Variants in CNTNAP2 observed in about 807,000 individuals in gnomAD.
CNTNAP2 encodes the protein contactin associated protein 2, also known as contactin-associated protein-like 2.
A neutral mutation model predicts 155.2 loss-of-function variants in CNTNAP2; 98 were observed. The observed-to-expected ratio is 0.63, with a 90% confidence interval of 0.54 to 0.75. The LOEUF (loss-of-function observed/expected upper bound fraction) is 0.75, where lower values mean the gene tolerates loss of function less well. Among genes scored for constraint, CNTNAP2 ranks in the 30% least tolerant of loss-of-function variants. The pLI, the probability that CNTNAP2 is intolerant of heterozygous loss-of-function variation, is 0.00. For missense variants in CNTNAP2, 1,727 were observed against 1,688.1 expected, an observed-to-expected ratio of 1.02 and a Z score of -0.40; for synonymous variants, 651 against 631.2, an observed-to-expected ratio of 1.03 and a Z score of -0.47.
chr7:147,355,870 G>A (rs1796054942), intron 9 of CNTNAP2, among the ~76,000 whole-genome samples: 1 of 152,086 alleles, frequency 6.6e-6, no homozygotes, highest in Non-Finnish European at 1.5e-5. Context: ...AGAGGAGCTG[G>A]TACCATTCCT....
chr7:148,097,338 T>A (rs1330792851), intron 15 of CNTNAP2, among the ~76,000 whole-genome samples: 1 of 90,106 alleles, frequency 1.1e-5, no homozygotes, highest in Non-Finnish European at 2.0e-5. Context: ...TCGTGTCATT[T>A]GTAAAAAAAA....
intron 3 of CNTNAP2, among the ~76,000 whole-genome samples, chr7:146,930,774 G>A (rs1033148047): frequency 6.6e-6 from 1 of 152,022 alleles, no homozygotes; most frequent in African/African-American, 2.4e-5. Flanking sequence ...AAAAAAGGCA[G>A]GGTTTGCAAT....
chr7:146,151,563 C>T (rs183226128), intron 1 of CNTNAP2, among the ~76,000 whole-genome samples: 10 of 144,082 alleles, frequency 6.9e-5, no homozygotes, highest in Admixed American at 7.1e-5. Flanking sequence ...TTCATTGAAG[C>T]GTTATTTGCA....
intron 13 of CNTNAP2, among the ~76,000 whole-genome samples, chr7:147,773,845 A>T (rs977674553): frequency 4.0e-5 from 6 of 150,720 alleles, no homozygotes; most frequent in African/African-American, 7.4e-5. Flanking sequence ...TAAACAAAAA[A>T]TTTTTTTTAA....
chr7:146,911,168 C>T (rs544464998), intron 3 of CNTNAP2, among the ~76,000 whole-genome samples: 1 of 151,880 alleles, frequency 6.6e-6, no homozygotes, highest in East Asian at 1.9e-4. Flanking sequence ...AGGTGCTGGA[C>T]ATGATGTGGA....
chr7:146,379,161 G>A (rs2129104452), intron 1 of CNTNAP2, among the ~76,000 whole-genome samples: 1 of 152,258 alleles, frequency 6.6e-6, no homozygotes, highest in South Asian at 2.1e-4. Context: ...CAGAACCTTG[G>A]GATTTTCTGC....
At chr7:147,124,366 A>G (rs1308483478) in intron 6 of CNTNAP2, among the ~76,000 whole-genome samples, 1 of 152,166 alleles carries the variant, frequency 6.6e-6, no homozygotes, top group Non-Finnish European at 1.5e-5. Context: ...TTGAGGCCCA[A>G]AGGTGGAGGT....
At chr7:147,167,018 T>C (rs1222608572) in intron 8 of CNTNAP2, among the ~76,000 whole-genome samples, 2 of 152,190 alleles carry the variant, frequency 1.3e-5, no homozygotes, top group Non-Finnish European at 2.9e-5. Context: ...CCCATCACTG[T>C]AAGGCTGCTT....
intron 1 of CNTNAP2, among the ~76,000 whole-genome samples, chr7:146,691,993 A>T (rs994640233): frequency 3.9e-5 from 6 of 152,154 alleles, no homozygotes; most frequent in Non-Finnish European, 7.4e-5. Flanking sequence ...ACATCCAATG[A>T]TGCACAAGGG....
intron 15 of CNTNAP2, among the ~76,000 whole-genome samples, chr7:147,988,044 G>C (rs965141724): frequency 6.6e-6 from 1 of 152,134 alleles, no homozygotes; most frequent in African/African-American, 2.4e-5. Flanking sequence ...ATACATTTAA[G>C]AAATACGTTG....
chr7:148,064,012 T>C lies in CNTNAP2; in HGVS notation c.2384-54106T>C, dbSNP rs565082020. Among the ~76,000 whole-genome samples, 3 of 152,256 alleles carry C rather than the reference T, an allele frequency of 2.0e-5. No homozygotes were observed. In the South Asian group the frequency reaches 6.2e-4, roughly 32 times the overall value. On this transcript the variant is annotated intron_variant, in intron 15 of 23. Coordinates refer to ENST00000361727, the MANE Select transcript of CNTNAP2 (RefSeq NM_014141.6). ...GTCCTTTTCCCACTTTATGTTTTTG[T>C]TTGCTTTGTCGAAGATCAGTTGGCT...
chr7:148,086,589 A>G (rs978702277), intron 15 of CNTNAP2, among the ~76,000 whole-genome samples: 23 of 152,242 alleles, frequency 1.5e-4, no homozygotes, highest in African/African-American at 5.5e-4. Context: ...GTGCTAATAT[A>G]GTGAATGTGA....
intron 17 of CNTNAP2, among the ~76,000 whole-genome samples, chr7:148,157,644 G>A (rs1805426049): frequency 6.6e-6 from 1 of 151,144 alleles, no homozygotes; most frequent in Non-Finnish European, 1.5e-5. Context: ...TCTAGAGCCT[G>A]AGCATAGTTT....
intron 12 of CNTNAP2, among the ~76,000 whole-genome samples, chr7:147,582,070 TTAAA>T: frequency 6.6e-6 from 1 of 152,250 alleles, no homozygotes; most frequent in Non-Finnish European, 1.5e-5. Context: ...CATTGTACTT[TTAAA>T]GAATTTTCAT....
chr7:148,348,907 T>C (rs187436834), intron 21 of CNTNAP2, among the ~76,000 whole-genome samples: 1 of 152,274 alleles, frequency 6.6e-6, no homozygotes. Context: ...ACACATAAAA[T>C]GATTGATAAA....
intron 6 of CNTNAP2, chr7:147,123,057 C>G (rs1372683019): frequency 6.6e-6 from 1 of 151,858 alleles, no homozygotes; most frequent in Non-Finnish European, 1.5e-5. Flanking sequence ...TATATAAACA[C>G]TGATGGAGAC....
intron 1 of CNTNAP2, among the ~76,000 whole-genome samples, chr7:146,659,128 G>T (rs150970363): frequency 8.5e-5 from 13 of 152,280 alleles, no homozygotes; most frequent in African/African-American, 2.9e-4. Flanking sequence ...AATACCGTTG[G>T]CAAGGGAGTC....
intron 3 of CNTNAP2, among the ~76,000 whole-genome samples, chr7:146,876,536 A>AAT (rs1795432199): frequency 6.6e-6 from 1 of 152,170 alleles, no homozygotes; most frequent in Admixed American, 6.6e-5. Flanking sequence ...GGAATATTGT[A>AAT]ACTTTCGTTT....
rs185412413 is a variant in CNTNAP2, at chr7:146,118,508, G to A, written c.97+1535G>A. Among the ~76,000 whole-genome samples, 5 of 152,050 alleles carry A rather than the reference G, an allele frequency of 3.3e-5. No individual in the cohort carries two copies. The East Asian group carries it at 9.7e-4, about 29-fold the overall frequency. On this transcript the variant is annotated intron_variant, in intron 1 of 23. Coordinates refer to ENST00000361727, the MANE Select transcript of CNTNAP2 (RefSeq NM_014141.6). ...AAGGTCTGGTTGTATAGAATTTCCT[G>A]CCACTTTTCCTGGAAAATAAACTCC...
Sources: gnomAD v4.1 joint callset for allele counts (sites outside exome capture counted in the v4.1 genomes callset) on GRCh38, gnomAD v4.1.1 for gene constraint, MANE v1.5 for transcripts, NCBI Gene and HGNC (gene_info 2026-07-23, HGNC 2026-07-21) for gene names.